SLCO1B3: variants seen among roughly 807,000 people sequenced by gnomAD.
The protein encoded by SLCO1B3 is liver-specific organic anion transporter 2.
SLCO1B3 carries 72 observed loss-of-function variants against 71.8 expected under a neutral mutation model. The ratio of observed to expected loss-of-function variants is 1.00; its 90% CI spans 0.83 to 1.22. The LOEUF (loss-of-function observed/expected upper bound fraction) is 1.22. Ranked by LOEUF, SLCO1B3 falls within the 50% of genes most tolerant of loss-of-function variation. The probability of loss-of-function intolerance (pLI) is 0.00; values close to 1 mark genes in which losing one functional copy is unlikely to be tolerated. For missense variants in SLCO1B3, 911 were observed against 819.7 expected (o/e 1.11, Z -1.36); for synonymous variants, 298 against 278.4 (o/e 1.07, Z -0.70).
At chr12:20,849,520 C>G (rs1488981963) in intron 3 of SLCO1B3, among the ~76,000 whole-genome samples, 3 of 151,984 alleles carry the variant, frequency 2.0e-5, no homozygotes, top group Non-Finnish European at 2.9e-5. Context: ...TTTACTAATG[C>G]TATTCAAGAT....
chr12:20,881,980 T>C (rs936860371), intron 12 of SLCO1B3, among the ~76,000 whole-genome samples: 1 of 152,194 alleles, frequency 6.6e-6, no homozygotes, highest in Non-Finnish European at 1.5e-5. Flanking sequence ...CCTCCTAGTT[T>C]CCTTGAAGAT....
intron 5 of SLCO1B3, among the ~76,000 whole-genome samples, chr12:20,859,359 C>G (rs1285539920): frequency 6.6e-6 from 1 of 152,056 alleles, no homozygotes; most frequent in Non-Finnish European, 1.5e-5. Context: ...CTAAAAAAAC[C>G]AACTTCTGTT....
chr12:20,912,422 G>A (rs1255514963), intron 15 of SLCO1B3, among the ~76,000 whole-genome samples: 1 of 150,520 alleles, frequency 6.6e-6, no homozygotes, highest in Non-Finnish European at 1.5e-5. Context: ...TCTGCTTCCT[G>A]GGTTCAAACA....
intron 8 of SLCO1B3, among the ~76,000 whole-genome samples, chr12:20,864,199 A>T (rs1865326866): frequency 6.6e-6 from 1 of 152,112 alleles, no homozygotes; most frequent in Non-Finnish European, 1.5e-5. Flanking sequence ...TGTAACCCTT[A>T]CTTCATCATT....
Position 20,861,114 on chromosome 12 carries a change from A to G in SLCO1B3, c.457A>G (p.Thr153Ala). The G allele has an allele frequency of 1.9e-6, 3 of 1,595,612 alleles. No homozygotes were observed. Among genetic ancestry groups the G allele is most frequent in the Non-Finnish European group, 2.6e-6 (3 of 1,171,566 alleles). The change falls in exon 6 of 16, where the codon ACA becomes GCA. Residue 153 changes from threonine to alanine, a missense_variant. By Grantham distance (58) the Thr-to-Ala change is moderately conservative. Coordinates refer to ENST00000381545, the MANE Select transcript of SLCO1B3 (RefSeq NM_019844.4). Reference sequence around the variant, plus strand: ...TAATCAAACCTTATCATTCAATGGAACATCACCTGAGATAGTAGAAAAAGG... The same window carrying G: ...TAATCAAACCTTATCATTCAATGGAGCATCACCTGAGATAGTAGAAAAAGG... ...LINQTLSFNG[T>A]SPEIVEKDCV... is the part of the protein sequence containing the mutation.
intron 10 of SLCO1B3, among the ~76,000 whole-genome samples, chr12:20,879,203 C>G (rs540946620): frequency 1.1e-3 from 74 of 65,904 alleles, no homozygotes; most frequent in Non-Finnish European, 1.5e-3. Context: ...CCACCCTTCT[C>G]TCTTTTTTTT....
chr12:20,820,356 T>C (rs1864272339), intron 3 of SLCO1B3, among the ~76,000 whole-genome samples: 1 of 151,978 alleles, frequency 6.6e-6, no homozygotes, highest in South Asian at 2.1e-4. Context: ...GCCAGGTGAG[T>C]TGAACAGTCC....
At chr12:20,814,981 C>CTTTTTT (rs71039997) in intron 2 of SLCO1B3, among the ~76,000 whole-genome samples, 3 of 89,290 alleles carry the variant, frequency 3.4e-5, no homozygotes, top group Non-Finnish European at 6.9e-5. Context: ...CTTTTCTTTT[C>CTTTTTT]TTTTTTTTTT....
chr12:20,897,545 TTTAC>T (rs1866037392), intron 13 of SLCO1B3, among the ~76,000 whole-genome samples: 1 of 152,202 alleles, frequency 6.6e-6, no homozygotes, highest in Non-Finnish European at 1.5e-5. Flanking sequence ...AATTTGTCTA[TTTAC>T]TTTCAAGAAT....
intron 9 of SLCO1B3, among the ~76,000 whole-genome samples, chr12:20,876,640 C>T (rs371916709): frequency 5.3e-5 from 8 of 152,030 alleles, no homozygotes; most frequent in Admixed American, 4.6e-4. Context: ...GGAGAATTTA[C>T]CGTCATGTAT....
intron 4 of SLCO1B3, among the ~76,000 whole-genome samples, chr12:20,858,107 T>A (rs1388460181): frequency 6.6e-6 from 1 of 152,122 alleles, no homozygotes; most frequent in African/African-American, 2.4e-5. Context: ...AAAATATGCA[T>A]GAATGATTAT....
intron 10 of SLCO1B3, among the ~76,000 whole-genome samples, chr12:20,878,149 GAAATTCACCTAATTCTA>G (rs1865620584): frequency 5.8e-5 from 1 of 17,176 alleles, no homozygotes; most frequent in African/African-American, 7.5e-5. Flanking sequence ...TTCCATAGGT[GAAATTCACCTAATTCTA>G]TAGGTGAAAT....
intron 8 of SLCO1B3, among the ~76,000 whole-genome samples, chr12:20,871,735 C>G (rs1865478136): frequency 6.6e-6 from 1 of 152,148 alleles, no homozygotes; most frequent in Admixed American, 6.5e-5. Context: ...TAGTCTTGCT[C>G]TTTCTGTGCT....
chr12:20,837,058 A>G (rs1234396783), intron 3 of SLCO1B3, among the ~76,000 whole-genome samples: 3 of 152,156 alleles, frequency 2.0e-5, no homozygotes, highest in Non-Finnish European at 4.4e-5. Context: ...TTATTTTGGG[A>G]AATTGGTCGA....
At position 20,813,630 on chromosome 12, in the gene SLCO1B3, A is replaced by C. The variant is rs1174553331; in HGVS notation, c.-74A>C. On this transcript the variant is annotated 5_prime_UTR_variant, in exon 2 of 16. Coordinates refer to ENST00000381545, the MANE Select transcript of SLCO1B3 (RefSeq NM_019844.4). ...CTAGAGGGCCTGACAGAAGAGGTACATATGCTATGTAAGTTTCCCTCAGGC... is the reference window on the plus strand; with the variant it reads ...CTAGAGGGCCTGACAGAAGAGGTACCTATGCTATGTAAGTTTCCCTCAGGC... 6.6e-6 allele frequency: 1 copy of C among 152,224 alleles called. No individual in the cohort carries two copies. Among genetic ancestry groups the C allele is most frequent in the East Asian group, 1.9e-4 (1 of 5,196 alleles). 9.4% of individuals were successfully genotyped at this position (152,224 alleles called of 1,614,324 possible). A position where few individuals can be genotyped will look rare whatever the true frequency, so the allele number is the denominator to read the frequency against.
intron 3 of SLCO1B3, among the ~76,000 whole-genome samples, chr12:20,826,446 G>A (rs576752117): frequency 4.0e-4 from 61 of 152,060 alleles, no homozygotes; most frequent in African/African-American, 1.4e-3. Flanking sequence ...TTAAGAAAAT[G>A]TTGTTCTAAC....
chr12:20,844,407 A>G (rs1360779714), intron 3 of SLCO1B3, among the ~76,000 whole-genome samples: 4 of 151,706 alleles, frequency 2.6e-5, no homozygotes, highest in Admixed American at 6.6e-5. Flanking sequence ...TCTCTACTAA[A>G]ATACAAAAAT....
At chr12:20,889,154 TTTCTC>T (rs1865852148) in intron 13 of SLCO1B3, among the ~76,000 whole-genome samples, 1 of 151,750 alleles carries the variant, frequency 6.6e-6, no homozygotes, top group South Asian at 2.1e-4. Flanking sequence ...AATGTGTAGT[TTTCTC>T]TTTTATTTGT....
At chr12:20,848,464 C>T (rs1486796266) in intron 3 of SLCO1B3, among the ~76,000 whole-genome samples, 1 of 152,112 alleles carries the variant, frequency 6.6e-6, no homozygotes, top group Non-Finnish European at 1.5e-5. Flanking sequence ...ACTGTACAAT[C>T]CTGCAGTCAT....
Sources: gnomAD v4.1 joint callset for allele counts (sites outside exome capture counted in the v4.1 genomes callset) on GRCh38, gnomAD v4.1.1 for gene constraint, MANE v1.5 for transcripts, NCBI Gene and HGNC (gene_info 2026-07-23, HGNC 2026-07-21) for gene names.